RBCK1: variants seen among roughly 807,000 people sequenced by gnomAD.
RBCK1 encodes the protein RANBP2-type and C3HC4-type zinc finger containing 1, also known as ranBP-type and C3HC4-type zinc finger-containing protein 1.
Under a neutral mutation model 71.1 loss-of-function variants are expected in RBCK1, and 44 were observed. The ratio of observed to expected loss-of-function variants is 0.62; its 90% CI spans 0.49 to 0.80. The LOEUF is 0.80. Among genes scored for constraint, RBCK1 ranks in the 30% least tolerant of loss-of-function variants. The pLI is 0.00. For synonymous variants in RBCK1, 306 were observed against 279.7 expected, an observed-to-expected ratio of 1.09 and a Z score of -0.94; for missense variants, 569 against 685.0, an observed-to-expected ratio of 0.83 and a Z score of 1.89.
chr20:421,327 C>G (rs1038517622), intron 7 of RBCK1, among the ~76,000 whole-genome samples: 1 of 152,178 alleles, frequency 6.6e-6, no homozygotes, highest in African/African-American at 2.4e-5. Context: ...CCACGCTGCT[C>G]TCAGCCTCGC....
chr20:427,424 T>A lies in RBCK1; in HGVS notation c.1141T>A (p.Phe381Ile). Residue 381 changes from phenylalanine (F) to isoleucine (I), a missense_variant, in exon 9 of 12, where the codon TTC (phenylalanine) becomes ATC (isoleucine). Around this residue, in one of 2 missense-constraint regions of RBCK1, gnomAD observed 211 missense variants for 309.4 expected, o/e 0.68. Coordinates refer to ENST00000356286, the MANE Select transcript of RBCK1 (RefSeq NM_031229.4). ...GACCCCAGATTGCAAGGGATGGTGC[T>A]TCTTTGAGGATGATGTCAATGAGTT... The part of the protein sequence containing the change: ...CKTPDCKGWC[F>I]FEDDVNEFTC... 1 of 1,614,174 alleles carries A rather than the reference T, an allele frequency of 6.2e-7. No homozygotes were observed. The highest frequency in any genetic ancestry group is 8.5e-7 in the Non-Finnish European group (1 of 1,180,028).
chr20:429,044 T>G lies in RBCK1; in HGVS notation c.1402T>G (p.Cys468Gly), dbSNP rs775476361. Residue 468 changes from cysteine to glycine, a missense_variant, in exon 11 of 12, where the codon TGC becomes GGC. Cys to Gly is a radical substitution (Grantham distance 159). This residue lies in a region of RBCK1 where 211 missense variants were observed against 309.4 expected (regional missense o/e 0.68). Transcript: ENST00000356286. ...CTGCGACTGGATCCGCTGCACCGTCTGCCACACCGAGATCTGCTGGGTCAC... is the reference window on the plus strand; with the variant it reads ...CTGCGACTGGATCCGCTGCACCGTCGGCCACACCGAGATCTGCTGGGTCAC... ...DGCDWIRCTV[C>G]HTEICWVTKG... 6.2e-7 allele frequency: 1 copy of G among 1,612,652 alleles called. No homozygotes were observed. Among genetic ancestry groups the G allele is most frequent in the Admixed American group, 1.7e-5 (1 of 59,976 alleles).
chr20:422,291 G>A lies in RBCK1; in HGVS notation c.1029+53G>A. On this transcript the variant is annotated intron_variant, in intron 8 of 11. Coordinates refer to ENST00000356286, the MANE Select transcript of RBCK1 (RefSeq NM_031229.4). The surrounding 1 kb of genome is among the most constrained non-coding windows in gnomAD (Gnocchi z 5.0). ...CCAAGTCCCAACTCCTAAGGAACTG[G>A]GCCCTGAGCAGGCAGCAGACATCTT... 6.9e-7 allele frequency: 1 copy of A among 1,448,900 alleles called. No individual in the cohort carries two copies. The highest frequency in any genetic ancestry group is 9.6e-7 in the Non-Finnish European group (1 of 1,039,434). The allele number at this position is 1,448,900 out of a possible 1,614,324, so 89.8% of individuals were successfully genotyped here. A position where few individuals can be genotyped will look rare whatever the true frequency, so the allele number is the denominator to read the frequency against.
chr20:422,372 G>A lies in RBCK1; in HGVS notation c.1029+134G>A, dbSNP rs1271871685. 3 of 709,866 alleles carry A rather than the reference G, an allele frequency of 4.2e-6. No homozygotes were observed. Among genetic ancestry groups the A allele is most frequent in the Non-Finnish European group, 7.2e-6 (3 of 416,476 alleles). The allele number at this position is 709,866 out of a possible 1,614,324, so 44.0% of individuals were successfully genotyped here. A position where few individuals can be genotyped will look rare whatever the true frequency, so the allele number is the denominator to read the frequency against. ...GGGTCTCACTATGTTGTCCAAGCTGGTCTCAAACTCCTGGGCTTAAGCGAT... is the reference window on the plus strand; with the variant it reads ...GGGTCTCACTATGTTGTCCAAGCTGATCTCAAACTCCTGGGCTTAAGCGAT... On this transcript the variant is annotated intron_variant, in intron 8 of 11. Transcript: ENST00000356286. This position sits in a 1 kb window ranked among gnomAD's most constrained non-coding sequence, Gnocchi z 5.0.
intron 6 of RBCK1, chr20:420,431 C>T: frequency 4.1e-6 from 4 of 983,354 alleles, no homozygotes; most frequent in Non-Finnish European, 4.8e-6. Flanking sequence ...CGTCTCAGCT[C>T]CTCGGCTTCG....
At position 428,821 on chromosome 20, in the gene RBCK1, G is replaced by A; in HGVS notation, c.1309-130G>A. 7.0e-7 allele frequency: 1 copy of A among 1,437,312 alleles called. No individual in the cohort carries two copies. The highest frequency in any genetic ancestry group is 9.1e-7 in the Non-Finnish European group (1 of 1,100,272). The allele number at this position is 1,437,312 out of a possible 1,614,324, so 89.0% of individuals were successfully genotyped here. A position where few individuals can be genotyped will look rare whatever the true frequency, so the allele number is the denominator to read the frequency against. On this transcript the variant is annotated intron_variant, in intron 10 of 11. Coordinates refer to ENST00000356286, the MANE Select transcript of RBCK1 (RefSeq NM_031229.4). The surrounding 1 kb of genome is among the most constrained non-coding windows in gnomAD (Gnocchi z 5.7). ...AAGAGGGGGTTGCTGGATGGAGCCT[G>A]GCCTGGCAGAGCCACACAGGAGAGA...
rs142258379 is a variant in RBCK1 at position 425,764 on chromosome 20, C to T, written c.1030-1549C>T. On this transcript the variant is annotated intron_variant, in intron 8 of 11. Transcript: ENST00000356286. ...GCCTCAGCCTCCCGAGTAGCTGGGACTACAGGCAGATGCCACCACACCCAG... is the reference window on the plus strand; with the variant it reads ...GCCTCAGCCTCCCGAGTAGCTGGGATTACAGGCAGATGCCACCACACCCAG... Among the ~76,000 whole-genome samples, 552 of 151,946 alleles carry T rather than the reference C, an allele frequency of 3.6e-3. 5 individuals carry two copies. Among genetic ancestry groups the T allele is most frequent in the African/African-American group, 0.013 (527 of 41,432 alleles).
In RBCK1 at chr20:416,513, G is replaced by A. The variant is rs116134788; in HGVS notation, c.168-1013G>A. 2.0e-3 allele frequency among the ~76,000 whole-genome samples: 306 copies of A among 152,190 alleles called. 1 individual carries two copies. Among genetic ancestry groups the A allele is most frequent in the African/African-American group, 7.0e-3 (292 of 41,496 alleles). On this transcript the variant is annotated intron_variant, in intron 2 of 11. Coordinates refer to ENST00000356286, the MANE Select transcript of RBCK1 (RefSeq NM_031229.4). ...CCTTTCCTTGCTTTCTGAATGCAGT[G>A]TTTTCCCAAATCTCTCTGAAGGTAC...
chr20:423,063 G>T (rs1340469829), intron 8 of RBCK1, among the ~76,000 whole-genome samples: 1 of 152,198 alleles, frequency 6.6e-6, no homozygotes, highest in Non-Finnish European at 1.5e-5. Flanking sequence ...GCTTTGGGAG[G>T]CCAAGGCGGG....
In RBCK1 at chr20:417,280, C is replaced by G. The variant is rs780840283; in HGVS notation, c.168-246C>G. 4.3e-6 allele frequency: 3 copies of G among 691,846 alleles called. No homozygotes were observed. The highest frequency in any genetic ancestry group is 8.2e-6 in the Non-Finnish European group (3 of 364,816). The allele number at this position is 691,846 out of a possible 1,614,324, so 42.9% of individuals were successfully genotyped here. A position where few individuals can be genotyped will look rare whatever the true frequency, so the allele number is the denominator to read the frequency against. On this transcript the variant is annotated intron_variant, in intron 2 of 11. Transcript: ENST00000356286. The surrounding 1 kb of genome is among the most constrained non-coding windows in gnomAD (Gnocchi z 4.7). ...TCAGGGAGGTGCCAGATCATGGAGG[C>G]CCTCGTGTGCTGCCACGAGTTGATT...
In RBCK1 at chr20:428,660, C is replaced by A. The variant is rs1198042230; in HGVS notation, c.1308+71C>A. 2 of 1,472,008 alleles carry A rather than the reference C, an allele frequency of 1.4e-6. No individual in the cohort carries two copies. The highest frequency in any genetic ancestry group is 1.8e-6 in the Non-Finnish European group (2 of 1,095,718). 91.2% of individuals were successfully genotyped at this position (1,472,008 alleles called of 1,614,324 possible). On this transcript the variant is annotated intron_variant, in intron 10 of 11. Transcript: ENST00000356286. The surrounding 1 kb of genome is among the most constrained non-coding windows in gnomAD (Gnocchi z 5.7). ...ATCCAGGTGGGGGCTGGGGGCTTCC[C>A]AGTAAGGGCTGTGCTCACACATCCC...
rs1467614832 is a variant in RBCK1, at chr20:428,613, C to T, written c.1308+24C>T. 6.3e-7 allele frequency: 1 copy of T among 1,583,592 alleles called. No individual in the cohort carries two copies. ...AGGTGAGGCTGGGACAGGGCCGAGG[C>T]CTAGGGATTTTAAGTTCTGGGATCC... is the stretch of plus-strand genomic sequence containing the variant. On this transcript the variant is annotated intron_variant, in intron 10 of 11. Coordinates refer to ENST00000356286, the MANE Select transcript of RBCK1 (RefSeq NM_031229.4). The surrounding 1 kb of genome is among the most constrained non-coding windows in gnomAD (Gnocchi z 5.7).
chr20:429,869 G>A (rs2016930029), intron 11 of RBCK1, among the ~76,000 whole-genome samples: 1 of 152,238 alleles, frequency 6.6e-6, no homozygotes. Context: ...ACCTCTGTCA[G>A]CCCCATTTCC....
chr20:423,571 TA>T (rs911325213), intron 8 of RBCK1, among the ~76,000 whole-genome samples: 3 of 152,186 alleles, frequency 2.0e-5, no homozygotes, highest in Non-Finnish European at 2.9e-5. Flanking sequence ...GTATAACATT[TA>T]TGTTATATTA....
At position 427,441 on chromosome 20, in the gene RBCK1, C is replaced by T. The variant is rs1393452512; in HGVS notation, c.1158C>T (p.Val386=). 1.2e-6 allele frequency: 2 copies of T among 1,614,018 alleles called. No homozygotes were observed. The highest frequency in any genetic ancestry group is 2.7e-5 in the African/African-American group (2 of 74,932). The change falls in exon 9 of 12, where the codon GTC becomes GTT. Residue 386 remains valine (V), a synonymous_variant. Coordinates refer to ENST00000356286, the MANE Select transcript of RBCK1 (RefSeq NM_031229.4). ...CKGWCFFEDD[V]NEFTCPVCFH... is the part of the protein sequence containing the mutation. ...GATGGTGCTTCTTTGAGGATGATGT[C>T]AATGAGTTCACCTGCCCTGTGTGTT...
intron 8 of RBCK1, among the ~76,000 whole-genome samples, chr20:425,483 A>T (rs1402083767): frequency 6.6e-6 from 1 of 152,256 alleles, no homozygotes; most frequent in Non-Finnish European, 1.5e-5. Context: ...GCATGGATAC[A>T]ATCGCTTTAG....
Position 430,187 on chromosome 20 carries a change from C to G in RBCK1, c.1453-163C>G, listed in dbSNP as rs896059861. On this transcript the variant is annotated intron_variant, in intron 11 of 11. Transcript: ENST00000356286. The surrounding 1 kb of genome is among the most constrained non-coding windows in gnomAD (Gnocchi z 5.6). ...GTGGGTAGACTGAGTGCTGTGGGAG[C>G]CCAGAAAAGGCCTCAGTGACTCTCC... Among the ~76,000 whole-genome samples the G allele has an allele frequency of 1.5e-4, 23 of 152,296 alleles. No homozygotes were observed. The highest frequency in any genetic ancestry group is 5.5e-4 in the African/African-American group (23 of 41,556).
intron 1 of RBCK1, 110 bp downstream of exon 1, chr20:408,889 C>T: frequency 3.9e-6 from 5 of 1,273,900 alleles, no homozygotes; most frequent in South Asian, 2.6e-5. Context: ...TTAGCCTGCC[C>T]TCCCTCTACC....
Position 420,893 on chromosome 20 carries a change from G to C in RBCK1, c.779G>C (p.Gly260Ala). 6.4e-7 allele frequency: 1 copy of C among 1,555,040 alleles called. No homozygotes were observed. Among genetic ancestry groups the C allele is most frequent in the Non-Finnish European group, 8.7e-7 (1 of 1,151,652 alleles). The stretch of plus-strand genomic sequence containing the variant: ...CAGCGGAAGCAGCAGCAGCAGGAGG[G>C]GAACTACCTGCAGCACGTCCAGCTG... ...YQQRKQQQQE[G>A]NYLQHVQLDQ... is the part of the protein sequence containing the mutation. The change falls in exon 7 of 12, where the codon GGG becomes GCG. Residue 260 changes from glycine to alanine, a missense_variant. Transcript: ENST00000356286.
Sources: allele counts gnomAD v4.1 joint callset (sites outside exome capture counted in the v4.1 genomes callset), GRCh38; gene constraint gnomAD v4.1.1; regional missense constraint gnomAD v4.1.1; non-coding constraint Gnocchi (gnomAD v3.1); transcripts MANE v1.5; gene names NCBI Gene and HGNC (gene_info 2026-07-23, HGNC 2026-07-21).